Variants in CFI observed in about 807,000 individuals in gnomAD.
CFI encodes C3B/C4B inactivator.
In CFI, 66 loss-of-function variants were observed where a neutral mutation model predicts 78.8. The observed-to-expected ratio is 0.84, with a 90% CI of 0.69 to 1.03. CFI has a LOEUF of 1.03. Ranked by LOEUF, CFI falls within the 50% of genes least tolerant of loss-of-function variation. The pLI is 0.00. For missense variants in CFI, 706 were observed against 704.5 expected, an observed-to-expected ratio of 1.00 and a Z score of -0.02; for synonymous variants, 250 against 232.6, an observed-to-expected ratio of 1.07 and a Z score of -0.68.
At chr4:109,742,936 TC>T (rs1236436149) in intron 11 of CFI, among the ~76,000 whole-genome samples, 5 of 152,184 alleles carry the variant, frequency 3.3e-5, no homozygotes, top group African/African-American at 7.2e-5. Flanking sequence ...CATAAATACC[TC>T]CTATCTTCTC....
chr4:109,777,152 G>A (rs1729356393), intron 1 of CFI, among the ~76,000 whole-genome samples: 1 of 152,162 alleles, frequency 6.6e-6, no homozygotes, highest in Non-Finnish European at 1.5e-5. Flanking sequence ...TGGGCTAAAT[G>A]CTCGAATTAA....
At chr4:109,756,485 AG>A (rs1442003697) in intron 7 of CFI, among the ~76,000 whole-genome samples, 7 of 151,974 alleles carry the variant, frequency 4.6e-5, no homozygotes, top group African/African-American at 1.5e-4. Flanking sequence ...GCAGCTTCAG[AG>A]GGCAAAATGA....
intron 1 of CFI, among the ~76,000 whole-genome samples, chr4:109,767,778 C>G (rs992146742): frequency 6.6e-6 from 1 of 151,928 alleles, no homozygotes; most frequent in Non-Finnish European, 1.5e-5. Context: ...CATCCCATTA[C>G]TGGGCATATA....
chr4:109,785,002 C>T (rs1221424413), intron 1 of CFI, among the ~76,000 whole-genome samples: 4 of 152,084 alleles, frequency 2.6e-5, no homozygotes, highest in Non-Finnish European at 5.9e-5. Flanking sequence ...CGATAATGTA[C>T]TTTGTGATAT....
At chr4:109,766,428 A>T in intron 2 of CFI, 126 bp downstream of exon 2, 1 of 1,033,460 alleles carries the variant, frequency 9.7e-7, no homozygotes, top group Non-Finnish European at 1.5e-6. Context: ...ATTATTATTG[A>T]GAGTCTAGAA....
rs1448528972 is a variant in CFI, at chr4:109,752,457, C to T, written c.940+11G>A. ...GTGAGCCACCAATAAAAAAGTATAA[C>T]GTTAGCTTACCTGCATCCATGTCAG... On this transcript the variant is annotated intron_variant, in intron 8 of 12. Coordinates refer to ENST00000394634, the MANE Select transcript of CFI (RefSeq NM_000204.5). 6.8e-6 allele frequency: 11 copies of T among 1,612,798 alleles called. No individual in the cohort carries two copies. The highest frequency in any genetic ancestry group is 4.0e-5 in the African/African-American group (3 of 74,802).
chr4:109,757,679 A>T, intron 7 of CFI, 84 bp downstream of exon 7: 2 of 893,576 alleles, frequency 2.2e-6, no homozygotes, highest in Non-Finnish European at 3.5e-6. Flanking sequence ...ATGCTCCATT[A>T]ACAGTTACAT....
downstream of CFI, among the ~76,000 whole-genome samples, chr4:109,740,190 C>T (rs1236342087): frequency 6.6e-6 from 1 of 152,000 alleles, no homozygotes; most frequent in Non-Finnish European, 1.5e-5. Flanking sequence ...ACTCGGGAGA[C>T]TGGGGTGGCA....
chr4:109,793,491 T>C (rs1396468765), intron 1 of CFI: 1 of 152,272 alleles, frequency 6.6e-6, no homozygotes, highest in Non-Finnish European at 1.5e-5. Flanking sequence ...TTCACTGCAG[T>C]ATGCAGGGTT....
Position 109,753,005 on chromosome 4 carries a change from T to TAA in CFI, c.905-503_905-502insTT, listed in dbSNP as rs1491517893. 1.7e-3 allele frequency among the ~76,000 whole-genome samples: 14 copies of TAA among 8,208 alleles called. 2 individuals carry two copies. The highest frequency in any genetic ancestry group is 7.6e-3 in the Admixed American group (2 of 262). 5.4% of individuals were successfully genotyped at this position (8,208 alleles called of 152,430 possible). A position where few individuals can be genotyped will look rare whatever the true frequency, so the allele number is the denominator to read the frequency against. On this transcript the variant is annotated intron_variant, in intron 7 of 12. Coordinates refer to ENST00000394634, the MANE Select transcript of CFI (RefSeq NM_000204.5). ...AATAAATATTTATAATATATATTTA[T>TAA]TATATATTTATTATATAAATAAATA...
intron 10 of CFI, 74 bp from the exon 11 acceptor site, chr4:109,746,576 A>C: frequency 7.9e-7 from 1 of 1,269,876 alleles, no homozygotes; most frequent in South Asian, 1.4e-5. Context: ...CTTCACTTTT[A>C]TATTTTTCCC....
At chr4:109,788,648 A>G (rs1213619428) in intron 1 of CFI, among the ~76,000 whole-genome samples, 1 of 152,048 alleles carries the variant, frequency 6.6e-6, no homozygotes, top group Non-Finnish European at 1.5e-5. Context: ...CTTTTAAAAC[A>G]CCCCCATATA....
At chr4:109,745,668 T>C (rs916425441) in intron 11 of CFI, among the ~76,000 whole-genome samples, 1 of 152,096 alleles carries the variant, frequency 6.6e-6, no homozygotes, top group African/African-American at 2.4e-5. Flanking sequence ...GGGTAGGTGC[T>C]GGGGAATAGG....
At chr4:109,753,688 A>C (rs11946294) in intron 7 of CFI, among the ~76,000 whole-genome samples, 2,942 of 42,802 alleles carry the variant, frequency 0.069, 120 homozygotes, top group African/African-American at 0.23. Flanking sequence ...TATATATTAT[A>C]TAATGTATAA....
intron 4 of CFI, among the ~76,000 whole-genome samples, chr4:109,761,253 T>G (rs1002111030): frequency 6.6e-6 from 1 of 152,212 alleles, no homozygotes; most frequent in African/African-American, 2.4e-5. Flanking sequence ...TACAGTAACT[T>G]TAATCCAGAT....
chr4:109,756,445 GGAGGAGGAGGAA>G lies in CFI; in HGVS notation c.904+1306_904+1317del, dbSNP rs1449348765. 6.6e-5 allele frequency among the ~76,000 whole-genome samples: 10 copies of G among 151,638 alleles called. No individual in the cohort carries two copies. The East Asian group carries it at 2.0e-3, about 30-fold the overall frequency. ...GGAACAAGAAGAAGAGGAAGAAGGA[GGAGGAGGAGGAA>G]GAGGAGGAGGAGGAACAGCAGCTTC... On this transcript the variant is annotated intron_variant, in intron 7 of 12. Coordinates refer to ENST00000394634, the MANE Select transcript of CFI (RefSeq NM_000204.5).
chr4:109,752,979 G>A (rs1358250390), intron 7 of CFI, among the ~76,000 whole-genome samples: 5,159 of 10,628 alleles, frequency 0.49, 1,657 homozygotes, highest in Non-Finnish European at 0.61. Flanking sequence ...TTTATTATAT[G>A]AATAAATATT....
chr4:109,800,753 T>A lies in CFI; in HGVS notation c.57+1162A>T, dbSNP rs555759938. On this transcript the variant is annotated intron_variant, in intron 1 of 12. Transcript: ENST00000394634. ...TATATAAGTAGGTATAAGTATGCATTTATATATATGCATATAAACACACAT... is the reference window on the plus strand; with the variant it reads ...TATATAAGTAGGTATAAGTATGCATATATATATATGCATATAAACACACAT... Among the ~76,000 whole-genome samples the A allele has an allele frequency of 1.2e-4, 19 of 152,196 alleles. 1 individual carries two copies. In the South Asian group the frequency reaches 4.0e-3, roughly 32 times the overall value.
At chr4:109,774,229 G>C (rs896507366) in intron 1 of CFI, among the ~76,000 whole-genome samples, 6 of 152,194 alleles carry the variant, frequency 3.9e-5, no homozygotes, top group African/African-American at 1.4e-4. Flanking sequence ...TAGTAGGCAA[G>C]ACAGACAAAA....
Sources: gnomAD v4.1 joint callset for allele counts (sites outside exome capture counted in the v4.1 genomes callset) on GRCh38, gnomAD v4.1.1 for gene constraint, MANE v1.5 for transcripts, NCBI Gene and HGNC (gene_info 2026-07-23, HGNC 2026-07-21) for gene names.